Variants in LYPLAL1 observed in about 807,000 individuals in gnomAD.
The protein encoded by LYPLAL1 is lysophospholipase-like protein 1.
Under a neutral mutation model 19.7 loss-of-function variants are expected in LYPLAL1, and 23 were observed. The observed-to-expected ratio is 1.17, with a 90% CI of 0.84 to 1.65. LYPLAL1 has a LOEUF of 1.65. LYPLAL1 is among the 40% of genes most tolerant of loss of function. The pLI, the probability that LYPLAL1 is intolerant of heterozygous loss-of-function variation, is 0.00. For missense variants in LYPLAL1, 355 were observed against 279.4 expected, an observed-to-expected ratio of 1.27 and a Z score of -1.93; for synonymous variants, 119 against 96.3, an observed-to-expected ratio of 1.24 and a Z score of -1.38.
Position 219,193,064 on chromosome 1 carries a change from G to A in LYPLAL1, c.192-18G>A. 1.3e-6 allele frequency: 2 copies of A among 1,514,694 alleles called. No homozygotes were observed. The highest frequency in any genetic ancestry group is 2.3e-5 in the East Asian group (1 of 42,744). The allele number at this position is 1,514,694 out of a possible 1,614,324, so 93.8% of individuals were successfully genotyped here. A position where few individuals can be genotyped will look rare whatever the true frequency, so the allele number is the denominator to read the frequency against. ...CTTTTCCTTTCTTTTTTTTTGGGGGGGGGCGGTTGTTAAACAGATCATATA... is the reference window on the plus strand; with the variant it reads ...CTTTTCCTTTCTTTTTTTTTGGGGGAGGGCGGTTGTTAAACAGATCATATA... On this transcript the variant is annotated intron_variant, in intron 2 of 4. Coordinates refer to ENST00000366928, the MANE Select transcript of LYPLAL1 (RefSeq NM_138794.5).
chr1:219,335,750 G>T, the LYPLAL1 span, among the ~76,000 whole-genome samples: 11 of 151,524 alleles, frequency 7.3e-5, no homozygotes, highest in African/African-American at 2.4e-4. Flanking sequence ...ACTTTAATGC[G>T]CCCAGAATTG....
chr1:219,279,404 G>C, the LYPLAL1 span, among the ~76,000 whole-genome samples: 1 of 152,196 alleles, frequency 6.6e-6, no homozygotes, highest in Non-Finnish European at 1.5e-5. Flanking sequence ...CCAGTCAGGA[G>C]CTTACTTCAG....
the LYPLAL1 span, among the ~76,000 whole-genome samples, chr1:219,432,662 C>T: frequency 6.6e-6 from 1 of 152,144 alleles, no homozygotes; most frequent in Admixed American, 6.5e-5. Context: ...CAGAGGGTCT[C>T]CTTGGGAAAG....
chr1:219,419,849 G>A, the LYPLAL1 span, among the ~76,000 whole-genome samples: 10 of 152,106 alleles, frequency 6.6e-5, no homozygotes, highest in African/African-American at 1.2e-4. Context: ...TAATTAAGGC[G>A]CCTCTGGAAG....
chr1:219,188,301 G>A (rs879368395), intron 2 of LYPLAL1, among the ~76,000 whole-genome samples: 10 of 151,826 alleles, frequency 6.6e-5, no homozygotes, highest in Non-Finnish European at 1.2e-4. Flanking sequence ...GAGAGTATAT[G>A]TGTGTGTTGC....
chr1:219,274,853 T>C, the LYPLAL1 span, among the ~76,000 whole-genome samples: 1 of 152,204 alleles, frequency 6.6e-6, no homozygotes. Context: ...AAAGTTTACA[T>C]GCCCTCCTCT....
the LYPLAL1 span, among the ~76,000 whole-genome samples, chr1:219,329,002 C>A: frequency 6.6e-6 from 1 of 151,766 alleles, no homozygotes; most frequent in African/African-American, 2.4e-5. Flanking sequence ...AACTTTCAAT[C>A]CTTTTTGGAG....
chr1:219,392,770 G>T, the LYPLAL1 span, among the ~76,000 whole-genome samples: 1 of 152,024 alleles, frequency 6.6e-6, no homozygotes, highest in Non-Finnish European at 1.5e-5. Flanking sequence ...GAAACATTCA[G>T]AGCTAAAATT....
intron 1 of LYPLAL1, among the ~76,000 whole-genome samples, chr1:219,178,455 G>A (rs528193335): frequency 1.3e-5 from 2 of 152,256 alleles, no homozygotes; most frequent in African/African-American, 4.8e-5. Flanking sequence ...ACCTTAATGA[G>A]TTAATTGATT....
chr1:219,175,489 A>C (rs1484309051), intron 1 of LYPLAL1, among the ~76,000 whole-genome samples: 1 of 152,150 alleles, frequency 6.6e-6, no homozygotes, highest in African/African-American at 2.4e-5. Flanking sequence ...GAACTCCTAG[A>C]CTATGTTCTT....
the LYPLAL1 span, among the ~76,000 whole-genome samples, chr1:219,275,053 C>T: frequency 7.9e-5 from 12 of 152,282 alleles, no homozygotes; most frequent in African/African-American, 2.4e-4. Context: ...ACTGATTTTT[C>T]TCAAATATGG....
chr1:219,257,242 T>C, the LYPLAL1 span, among the ~76,000 whole-genome samples: 10 of 152,030 alleles, frequency 6.6e-5, no homozygotes, highest in African/African-American at 2.2e-4. Flanking sequence ...GCTGTATATA[T>C]GTCTAGAATT....
At chr1:219,277,027 C>A in the LYPLAL1 span, among the ~76,000 whole-genome samples, 3 of 152,072 alleles carry the variant, frequency 2.0e-5, no homozygotes, top group East Asian at 1.9e-4. Flanking sequence ...ACAATGATAA[C>A]CAAAGAGGCA....
chr1:219,260,631 T>TA, the LYPLAL1 span, among the ~76,000 whole-genome samples: 1 of 148,524 alleles, frequency 6.7e-6, no homozygotes, highest in Admixed American at 6.7e-5. Flanking sequence ...TATTAAATTT[T>TA]ATATGTATAT....
At chr1:219,441,967 GA>G in the LYPLAL1 span, among the ~76,000 whole-genome samples, 1 of 152,096 alleles carries the variant, frequency 6.6e-6, no homozygotes, top group Non-Finnish European at 1.5e-5. Context: ...CAAAAATACA[GA>G]AAATAATTCA....
chr1:219,441,929 C>T, the LYPLAL1 span, among the ~76,000 whole-genome samples: 1 of 152,158 alleles, frequency 6.6e-6, no homozygotes, highest in Non-Finnish European at 1.5e-5. Flanking sequence ...CCCATCCCCA[C>T]TGCAAAGAAT....
the LYPLAL1 span, among the ~76,000 whole-genome samples, chr1:219,334,588 A>G: frequency 6.6e-6 from 1 of 151,016 alleles, no homozygotes; most frequent in Non-Finnish European, 1.5e-5. Flanking sequence ...GGCATTTTGT[A>G]TAACAACTTT....
intron 3 of LYPLAL1, among the ~76,000 whole-genome samples, chr1:219,209,956 G>A (rs551659936): frequency 6.6e-6 from 1 of 151,818 alleles, no homozygotes; most frequent in Non-Finnish European, 1.5e-5. Context: ...ACTACATATA[G>A]GCATACATGT....
the LYPLAL1 span, among the ~76,000 whole-genome samples, chr1:219,276,452 TC>T: frequency 6.6e-6 from 1 of 152,174 alleles, no homozygotes; most frequent in African/African-American, 2.4e-5. Context: ...CAAGAACGTT[TC>T]TTTATAAAAG....
Sources: allele counts gnomAD v4.1 joint callset (sites outside exome capture counted in the v4.1 genomes callset), GRCh38; gene constraint gnomAD v4.1.1; transcripts MANE v1.5; gene names NCBI Gene and HGNC (gene_info 2026-07-23, HGNC 2026-07-21).